Variants in DNAH11 observed in about 807,000 individuals in gnomAD.
DNAH11 encodes the protein axonemal beta dynein heavy chain 11.
DNAH11 carries 442 observed loss-of-function variants against 526.0 expected under a neutral mutation model. That is an observed-to-expected ratio of 0.84 (90% CI 0.78 to 0.91). The LOEUF is 0.91. Ranked by LOEUF, DNAH11 falls within the 40% of genes least tolerant of loss-of-function variation. The pLI, the probability that DNAH11 is intolerant of heterozygous loss-of-function variation, is 0.00. For missense variants in DNAH11, 6,989 were observed against 5,448.7 expected (o/e 1.28, Z -8.90); for synonymous variants, 2,461 against 1,935.9 (o/e 1.27, Z -7.12).
intron 2 of DNAH11, among the ~76,000 whole-genome samples, chr7:21,553,202 C>T (rs552394545): frequency 3.3e-5 from 5 of 150,800 alleles, no homozygotes; most frequent in Admixed American, 6.6e-5. Context: ...TTCTTTCCTC[C>T]TCCTCTTTTG....
rs186697057 is a variant in DNAH11 at position 21,663,338 on chromosome 7, C to G, written c.5328+4307C>G. 2.0e-5 allele frequency among the ~76,000 whole-genome samples: 3 copies of G among 152,192 alleles called. No homozygotes were observed. In the East Asian group the frequency reaches 5.8e-4, roughly 29 times the overall value. On this transcript the variant is annotated intron_variant, in intron 30 of 81. Transcript: ENST00000409508. ...TGACTTATTTTCCTTTCAGTAGATA[C>G]TTGGTAATGGGATTGCTGGGTCAAA...
chr7:21,546,890 G>A (rs1419404898), intron 2 of DNAH11, among the ~76,000 whole-genome samples: 1 of 152,142 alleles, frequency 6.6e-6, no homozygotes, highest in Non-Finnish European at 1.5e-5. Context: ...GTATTGAATG[G>A]TTTAAGAACT....
intron 76 of DNAH11, among the ~76,000 whole-genome samples, chr7:21,889,979 G>A (rs937470019): frequency 1.3e-5 from 2 of 152,138 alleles, no homozygotes; most frequent in African/African-American, 4.8e-5. Flanking sequence ...CATTTCTCAG[G>A]TTTTGTTTGT....
At chr7:21,835,483 C>T (rs1274151359) in intron 65 of DNAH11, among the ~76,000 whole-genome samples, 1 of 152,066 alleles carries the variant, frequency 6.6e-6, no homozygotes, top group Non-Finnish European at 1.5e-5. Flanking sequence ...AAATGTGATA[C>T]ATCACATTAA....
chr7:21,666,567 A>G lies in DNAH11; in HGVS notation c.5328+7536A>G, dbSNP rs114520086. Among the ~76,000 whole-genome samples, 360 of 152,248 alleles carry G rather than the reference A, an allele frequency of 2.4e-3. 1 individual carries two copies. The highest frequency in any genetic ancestry group is 8.3e-3 in the African/African-American group (345 of 41,570). On this transcript the variant is annotated intron_variant, in intron 30 of 81. Transcript: ENST00000409508. ...TCAACAAAGACTCAGAAATACCAGT[A>G]TACATATAAGAAAGAGACCCTCATT...
chr7:21,799,954 A>T (rs1788895629), intron 61 of DNAH11, among the ~76,000 whole-genome samples: 1 of 152,212 alleles, frequency 6.6e-6, no homozygotes, highest in Non-Finnish European at 1.5e-5. Flanking sequence ...TACCATAGTG[A>T]GGAGTCTCAC....
intron 45 of DNAH11, among the ~76,000 whole-genome samples, chr7:21,728,948 A>G (rs1785258253): frequency 2.0e-5 from 3 of 152,214 alleles, no homozygotes; most frequent in Admixed American, 1.3e-4. Flanking sequence ...GGACACACTA[A>G]GGCGGCAGTA....
intron 61 of DNAH11, among the ~76,000 whole-genome samples, chr7:21,789,892 C>CTTTCTTTTTTCTTTCTTT (rs1312877014): frequency 1.4e-5 from 2 of 138,800 alleles, no homozygotes; most frequent in African/African-American, 5.5e-5. Context: ...TTCTTTCTTT[C>CTTTCTTTTTTCTTTCTTT]CTTTCCCCTC....
At chr7:21,640,865 C>T (rs917446680) in intron 28 of DNAH11, among the ~76,000 whole-genome samples, 11 of 152,134 alleles carry the variant, frequency 7.2e-5, no homozygotes, top group African/African-American at 2.4e-4. Flanking sequence ...CCGTCTCTGT[C>T]CATTTATCAT....
At chr7:21,809,360 T>C (rs1022291035) in intron 63 of DNAH11, among the ~76,000 whole-genome samples, 1 of 152,204 alleles carries the variant, frequency 6.6e-6, no homozygotes. Context: ...GTTGGTTGTT[T>C]CCTTTGCTGA....
chr7:21,745,511 G>T (rs796645301), intron 51 of DNAH11, among the ~76,000 whole-genome samples: 19 of 152,304 alleles, frequency 1.2e-4, no homozygotes, highest in African/African-American at 4.6e-4. Context: ...ATAGAGCATG[G>T]CTGACAAGGT....
chr7:21,861,514 A>C (rs190398299), intron 68 of DNAH11, among the ~76,000 whole-genome samples: 2 of 152,256 alleles, frequency 1.3e-5, no homozygotes, highest in Admixed American at 1.3e-4. Context: ...ATGTACACTT[A>C]AAATTGTTAA....
At chr7:21,779,595 C>G (rs545001859) in intron 57 of DNAH11, among the ~76,000 whole-genome samples, 81 of 152,266 alleles carry the variant, frequency 5.3e-4, no homozygotes, top group African/African-American at 1.9e-3. Flanking sequence ...CCCTGGCATT[C>G]TGTATTATGT....
intron 31 of DNAH11, 80 bp downstream of exon 31, chr7:21,681,757 G>GTT: frequency 6.4e-7 from 1 of 1,565,262 alleles, no homozygotes; most frequent in Non-Finnish European, 8.8e-7. Flanking sequence ...TTCCAAGAAA[G>GTT]TCGTTGTTTT....
intron 65 of DNAH11, among the ~76,000 whole-genome samples, chr7:21,822,674 T>C (rs796828477): frequency 2.0e-5 from 3 of 152,228 alleles, no homozygotes; most frequent in Admixed American, 6.5e-5. Context: ...TCATGTGGCA[T>C]GACCATGAGG....
intron 62 of DNAH11, among the ~76,000 whole-genome samples, chr7:21,801,720 T>C (rs910244111): frequency 2.0e-5 from 3 of 152,256 alleles, no homozygotes; most frequent in Admixed American, 6.5e-5. Context: ...TAGATAATTA[T>C]GAAATTGAAC....
chr7:21,864,703 T>C (rs1783204400), intron 70 of DNAH11, 46 bp downstream of exon 70: 2 of 1,524,112 alleles, frequency 1.3e-6, no homozygotes, highest in South Asian at 2.7e-5. Flanking sequence ...TTATTTAAAA[T>C]ATTAGCTCTC....
In DNAH11 at chr7:21,899,374, C is replaced by A. The variant is rs778763544; in HGVS notation, c.13088C>A (p.Thr4363Asn). The A allele has an allele frequency of 6.2e-7, 1 of 1,614,044 alleles. No homozygotes were observed. The highest frequency in any genetic ancestry group is 1.7e-5 in the Admixed American group (1 of 60,020). The change falls in exon 80 of 82, where the codon ACT becomes AAT. Residue 4363 changes from threonine (T) to asparagine (N), a missense_variant. Transcript: ENST00000409508. ...CTCCTGCGATGCCGAGAACTCGATA[C>A]TTGGACACAAGACCTTACCCTTCCG... Reference protein sequence around the residue: ...DLLLRCRELDTWTQDLTLPAV... With the variant: ...DLLLRCRELDNWTQDLTLPAV...
intron 61 of DNAH11, among the ~76,000 whole-genome samples, chr7:21,793,817 T>C (rs1362439733): frequency 1.3e-5 from 2 of 152,194 alleles, no homozygotes; most frequent in Admixed American, 1.3e-4. Flanking sequence ...CACTTAGATC[T>C]ATTCATGTTT....
Sources: allele counts gnomAD v4.1 joint callset (sites outside exome capture counted in the v4.1 genomes callset), GRCh38; gene constraint gnomAD v4.1.1; transcripts MANE v1.5; gene names NCBI Gene and HGNC (gene_info 2026-07-23, HGNC 2026-07-21).